Variants in NOX3 observed in about 807,000 individuals in gnomAD.
The protein encoded by NOX3 is NADPH oxidase 3, also known as NADPH oxidase catalytic subunit-like 3.
In NOX3, 74 loss-of-function variants were observed where a neutral mutation model predicts 76.7. That is an observed-to-expected ratio of 0.96 (90% CI 0.80 to 1.17). The LOEUF (loss-of-function observed/expected upper bound fraction) is 1.17. NOX3 is among the 50% of genes most tolerant of loss of function. The pLI is 0.00. For missense variants in NOX3, 695 were observed against 703.3 expected (o/e 0.99, Z 0.13); for synonymous variants, 263 against 261.1 (o/e 1.01, Z -0.07).
chr6:155,448,580 G>T (rs145038443), intron 4 of NOX3, among the ~76,000 whole-genome samples: 2 of 146,972 alleles, frequency 1.4e-5, no homozygotes, highest in African/African-American at 5.1e-5. Flanking sequence ...CTACACATGC[G>T]CATTTAATTG....
intron 7 of NOX3, among the ~76,000 whole-genome samples, chr6:155,435,147 C>T (rs1032027574): frequency 6.6e-6 from 1 of 152,082 alleles, no homozygotes; most frequent in South Asian, 2.1e-4. Flanking sequence ...GAGAGTGACA[C>T]CCTGAGTTTG....
intron 4 of NOX3, among the ~76,000 whole-genome samples, chr6:155,448,177 A>C (rs1777089152): frequency 6.6e-6 from 1 of 152,166 alleles, no homozygotes. Context: ...TGTACTAAAC[A>C]AGGTTATCTA....
chr6:155,414,623 C>CTCTTTT (rs1776600270), intron 10 of NOX3, among the ~76,000 whole-genome samples: 3 of 113,790 alleles, frequency 2.6e-5, no homozygotes, highest in African/African-American at 6.7e-5. Flanking sequence ...TCTTTTCTTT[C>CTCTTTT]TTTTTTTTTT....
At position 155,453,430 on chromosome 6, in the gene NOX3, A is replaced by G. The variant is rs1777172307; in HGVS notation, c.314T>C (p.Val105Ala). The part of the protein sequence containing the change: ...LDKNLRFHKL[V>A]AYGIAVNATI... Reference sequence around the variant, plus strand: ...TGCATTAACAGCTATCCCATAGGCGACCAGTTTGTGAAATCTGAGGTTTTT... The same window carrying G: ...TGCATTAACAGCTATCCCATAGGCGGCCAGTTTGTGAAATCTGAGGTTTTT... The change falls in exon 4 of 14, where the codon GTC becomes GCC. Residue 105 changes from valine (V) to alanine (A), a missense_variant. Val to Ala is a moderately conservative substitution (Grantham distance 64). Coordinates refer to ENST00000159060, the MANE Select transcript of NOX3 (RefSeq NM_015718.3). 4 of 1,613,636 alleles carry G rather than the reference A, an allele frequency of 2.5e-6. No individual in the cohort carries two copies. The highest frequency in any genetic ancestry group is 1.3e-5 in the African/African-American group (1 of 74,920).
intron 4 of NOX3, among the ~76,000 whole-genome samples, chr6:155,448,641 CAA>C (rs34503841): frequency 0.043 from 4,888 of 113,832 alleles, 279 homozygotes; most frequent in African/African-American, 0.14. Context: ...AAGAGTGAAC[CAA>C]AAAAAAAAAA....
intron 12 of NOX3, among the ~76,000 whole-genome samples, chr6:155,398,755 G>T (rs73010631): frequency 6.6e-6 from 1 of 152,290 alleles, no homozygotes; most frequent in Non-Finnish European, 1.5e-5. Context: ...CCACCACTTC[G>T]TTGCTGGGTA....
intron 9 of NOX3, among the ~76,000 whole-genome samples, chr6:155,423,530 T>C (rs1158776000): frequency 1.3e-5 from 2 of 152,164 alleles, no homozygotes; most frequent in Non-Finnish European, 2.9e-5. Flanking sequence ...AGTATATTCA[T>C]TGAATAAATA....
intron 8 of NOX3, among the ~76,000 whole-genome samples, chr6:155,429,329 G>C (rs1185056548): frequency 6.6e-6 from 1 of 152,154 alleles, no homozygotes; most frequent in Non-Finnish European, 1.5e-5. Context: ...CAATGGCCAG[G>C]CTTTCCACAG....
Position 155,443,403 on chromosome 6 carries a change from G to T in NOX3, c.356C>A (p.Ala119Glu), listed in dbSNP as rs150612632. The part of the protein sequence containing the change: ...IAVNATIHIV[A>E]HFFNLERYHW... ...GTAGCGTTCCAGGTTGAAGAAATGC[G>T]CCACGATGTGGATGGCTAGGACAAG... The change falls in exon 5 of 14, where the codon GCG becomes GAG. Residue 119 changes from alanine to glutamate, a missense_variant. By Grantham distance (107) the Ala-to-Glu change is moderately radical. Coordinates refer to ENST00000159060, the MANE Select transcript of NOX3 (RefSeq NM_015718.3). 3 of 1,613,724 alleles carry T rather than the reference G, an allele frequency of 1.9e-6. No individual in the cohort carries two copies. Among genetic ancestry groups the T allele is most frequent in the Non-Finnish European group, 1.7e-6 (2 of 1,179,844 alleles).
intron 11 of NOX3, among the ~76,000 whole-genome samples, chr6:155,410,854 A>G (rs1281598731): frequency 2.0e-5 from 3 of 152,252 alleles, no homozygotes; most frequent in Non-Finnish European, 2.9e-5. Context: ...AGGCACAGAA[A>G]CAGAACCAGT....
At chr6:155,397,850 G>C (rs998213890) in intron 12 of NOX3, among the ~76,000 whole-genome samples, 1 of 152,134 alleles carries the variant, frequency 6.6e-6, no homozygotes, top group African/African-American at 2.4e-5. Flanking sequence ...AAAAGAAAAA[G>C]ACATTGCTGA....
intron 6 of NOX3, among the ~76,000 whole-genome samples, chr6:155,439,527 G>T (rs1776953223): frequency 6.6e-6 from 1 of 152,156 alleles, no homozygotes. Flanking sequence ...ACACCAGACT[G>T]CCCATGCCAC....
At chr6:155,422,882 A>G in intron 9 of NOX3, 26 bp from the exon 10 acceptor site, 3 of 1,612,634 alleles carry the variant, frequency 1.9e-6, no homozygotes, top group Non-Finnish European at 2.5e-6. Flanking sequence ...AATGCAGCCT[A>G]TTTGACCTTC....
chr6:155,412,748 C>T (rs1401382354), intron 10 of NOX3, among the ~76,000 whole-genome samples: 6 of 152,148 alleles, frequency 3.9e-5, no homozygotes, highest in East Asian at 1.9e-4. Flanking sequence ...AAGGGGCTCA[C>T]GTTCATCCAT....
rs189321995 is a variant in NOX3 at position 155,418,632 on chromosome 6, G to A, written c.1308+4062C>T. 4.0e-5 allele frequency among the ~76,000 whole-genome samples: 4 copies of A among 100,502 alleles called. No individual in the cohort carries two copies. In the East Asian group the frequency reaches 1.3e-3, roughly 33 times the overall value. The allele number at this position is 100,502 out of a possible 152,430, so 65.9% of individuals were successfully genotyped here. A position where few individuals can be genotyped will look rare whatever the true frequency, so the allele number is the denominator to read the frequency against. On this transcript the variant is annotated intron_variant, in intron 10 of 13. Transcript: ENST00000159060. ...CAAAACAAAAGTACTTAGAAACAAAGATATTTTAAGACATCAGCTTCAAAT... is the reference window on the plus strand; with the variant it reads ...CAAAACAAAAGTACTTAGAAACAAAAATATTTTAAGACATCAGCTTCAAAT...
At chr6:155,436,626 G>A in intron 6 of NOX3, 79 bp from the exon 7 acceptor site, 1 of 1,486,792 alleles carries the variant, frequency 6.7e-7, no homozygotes, top group Non-Finnish European at 9.2e-7. Flanking sequence ...TTCTCCCACA[G>A]GTATATATCC....
At chr6:155,408,712 T>C (rs987809877) in intron 11 of NOX3, among the ~76,000 whole-genome samples, 4 of 152,114 alleles carry the variant, frequency 2.6e-5, no homozygotes, top group African/African-American at 9.7e-5. Flanking sequence ...TGAGTGTCCA[T>C]CAACAGTTGA....
At chr6:155,437,769 CA>C (rs1776930925) in intron 6 of NOX3, among the ~76,000 whole-genome samples, 1 of 152,182 alleles carries the variant, frequency 6.6e-6, no homozygotes, top group South Asian at 2.1e-4. Context: ...ATCTTTTAAA[CA>C]TTTTAAACGT....
At chr6:155,431,400 G>A (rs1265333976) in intron 7 of NOX3, among the ~76,000 whole-genome samples, 2 of 100,288 alleles carry the variant, frequency 2.0e-5, no homozygotes. Flanking sequence ...GGGTCTGCCT[G>A]AATAAACACA....
Sources: allele counts gnomAD v4.1 joint callset (sites outside exome capture counted in the v4.1 genomes callset), GRCh38; gene constraint gnomAD v4.1.1; transcripts MANE v1.5; gene names NCBI Gene and HGNC (gene_info 2026-07-23, HGNC 2026-07-21).